Variants in VPS13D observed in about 807,000 individuals in gnomAD.
VPS13D encodes vacuolar protein sorting 13 homolog D, also known as intermembrane lipid transfer protein VPS13D.
VPS13D carries 187 observed loss-of-function variants against 461.9 expected under a neutral mutation model. The ratio of observed to expected loss-of-function variants is 0.40; its 90% CI spans 0.36 to 0.46. The LOEUF is 0.46. VPS13D is among the 20% of genes least tolerant of loss of function. VPS13D has a pLI of 0.60. For missense variants in VPS13D, 4,711 were observed against 5,364.9 expected, an observed-to-expected ratio of 0.88 and a Z score of 3.81; for synonymous variants, 1,951 against 1,986.3, an observed-to-expected ratio of 0.98 and a Z score of 0.47.
intron 67 of VPS13D, among the ~76,000 whole-genome samples, chr1:12,465,792 C>G (rs1448374788): frequency 1.3e-4 from 20 of 152,180 alleles, no homozygotes; most frequent in Non-Finnish European, 4.4e-5. Flanking sequence ...GACTAAGACT[C>G]TTTTGGGTCA....
At chr1:12,312,511 A>G (rs1376629711) in intron 29 of VPS13D, among the ~76,000 whole-genome samples, 2 of 152,162 alleles carry the variant, frequency 1.3e-5, no homozygotes, top group African/African-American at 2.4e-5. Flanking sequence ...TAGTCCCAGC[A>G]CTTTAGGAAG....
intron 65 of VPS13D, among the ~76,000 whole-genome samples, chr1:12,438,551 A>T (rs1645090403): frequency 6.6e-6 from 1 of 152,184 alleles, no homozygotes; most frequent in Admixed American, 6.5e-5. Context: ...AGTTTTTACC[A>T]TGTGGTTTAC....
chr1:12,410,505 A>G (rs993239446), intron 63 of VPS13D, among the ~76,000 whole-genome samples: 2 of 152,228 alleles, frequency 1.3e-5, no homozygotes, highest in Admixed American at 6.5e-5. Flanking sequence ...ATTCAGTCAC[A>G]AATTACCAGG....
intron 66 of VPS13D, among the ~76,000 whole-genome samples, chr1:12,457,587 G>C (rs181393425): frequency 6.6e-6 from 1 of 152,322 alleles, no homozygotes; most frequent in East Asian, 1.9e-4. Context: ...ACCATCCAAA[G>C]CTATCAGAGT....
At chr1:12,444,420 G>A (rs1041559276) in intron 65 of VPS13D, among the ~76,000 whole-genome samples, 18 of 152,142 alleles carry the variant, frequency 1.2e-4, no homozygotes, top group Non-Finnish European at 1.8e-4. Context: ...GTCTTTGGAC[G>A]ATTTTGGGAA....
At chr1:12,355,039 C>T (rs546974424) in intron 47 of VPS13D, among the ~76,000 whole-genome samples, 24 of 152,164 alleles carry the variant, frequency 1.6e-4, no homozygotes, top group Non-Finnish European at 2.8e-4. Context: ...AAGGAAGTGA[C>T]GTACAGAAAT....
At chr1:12,424,606 AG>A (rs1644901603) in intron 65 of VPS13D, among the ~76,000 whole-genome samples, 1 of 152,192 alleles carries the variant, frequency 6.6e-6, no homozygotes, top group Non-Finnish European at 1.5e-5. Context: ...CCAGGTGAGC[AG>A]GGTTTAGCTT....
intron 5 of VPS13D, among the ~76,000 whole-genome samples, chr1:12,245,487 TGTTTTTTA>T (rs1460445868): frequency 3.3e-5 from 5 of 152,246 alleles, no homozygotes; most frequent in African/African-American, 1.2e-4. Context: ...TACAATTTAA[TGTTTTTTA>T]GTATATTTAC....
Position 12,293,626 on chromosome 1 carries a change from G to A in VPS13D, c.5955G>A (p.Glu1985=). 1 of 1,614,224 alleles carries A rather than the reference G, an allele frequency of 6.2e-7. No individual in the cohort carries two copies. The highest frequency in any genetic ancestry group is 8.5e-7 in the Non-Finnish European group (1 of 1,180,040). Residue 1985 remains glutamate, a synonymous_variant, in exon 24 of 70, where the codon GAG becomes GAA. Coordinates refer to ENST00000620676, the MANE Select transcript of VPS13D (RefSeq NM_015378.4). ...TGCATACTCAGCGTTTCCAGGCAGA[G>A]GTGGTGGCCTTCATTCAGCATTTCA... ...QYVHTQRFQA[E]VVAFIQHFTQ... is the part of the protein sequence containing the mutation.
intron 52 of VPS13D, among the ~76,000 whole-genome samples, chr1:12,368,151 C>T (rs1001464572): frequency 2.0e-5 from 3 of 152,176 alleles, no homozygotes; most frequent in African/African-American, 7.2e-5. Flanking sequence ...TTTCCATTCC[C>T]TTCAGCGATT....
At position 12,283,553 on chromosome 1, in the gene VPS13D, G is replaced by C; in HGVS notation, c.5451G>C (p.Leu1817Phe). ...GCATTGATGTTGATTTTAATTGCTT[G>C]GATGTGCTGATCACACTGCAAACCT... ...NRSIDVDFNC[L>F]DVLITLQTWV... is the part of the protein sequence containing the mutation. The change falls in exon 21 of 70, where the codon TTG becomes TTC. Residue 1817 changes from leucine to phenylalanine, a missense_variant. Around this residue, in one of 3 missense-constraint regions of VPS13D, gnomAD observed 4,411 missense variants for 4,937.8 expected, o/e 0.89. Transcript: ENST00000620676. 3 of 1,614,180 alleles carry C rather than the reference G, an allele frequency of 1.9e-6. No homozygotes were observed. Among genetic ancestry groups the C allele is most frequent in the Non-Finnish European group, 2.5e-6 (3 of 1,180,026 alleles).
Position 12,385,317 on chromosome 1 carries a change from GT to G in VPS13D, c.11429del (p.Val3810AlafsTer9). The G allele has an allele frequency of 6.2e-7, 1 of 1,614,014 alleles. No homozygotes were observed. The highest frequency in any genetic ancestry group is 8.5e-7 in the Non-Finnish European group (1 of 1,179,916). On this transcript the variant is annotated frameshift_variant, in exon 59 of 70. Coordinates refer to ENST00000620676, the MANE Select transcript of VPS13D (RefSeq NM_015378.4). LOFTEE classifies it high-confidence loss of function. The stretch of plus-strand genomic sequence containing the variant: ...TTCATATGAAGTGGATGAACTTCCT[GT>G]CACCGAACAAGAGCTGCAGAAATTA... ...SRSYEVDELPVTEQELQKLKN... is the reference protein window; with the variant it reads ...SRSYEVDELPXTEQELQKLKN...
At chr1:12,371,801 G>GT (rs1348431322) in intron 54 of VPS13D, among the ~76,000 whole-genome samples, 2 of 152,036 alleles carry the variant, frequency 1.3e-5, no homozygotes, top group African/African-American at 4.8e-5. Flanking sequence ...TTGTTTCTGC[G>GT]TTTTGGCTAT....
In VPS13D at chr1:12,383,043, A is replaced by T. The variant is rs774276269; in HGVS notation, c.11258A>T (p.Glu3753Val). 3 of 1,614,074 alleles carry T rather than the reference A, an allele frequency of 1.9e-6. No homozygotes were observed. Among genetic ancestry groups the T allele is most frequent in the South Asian group, 2.2e-5 (2 of 91,076 alleles). The stretch of plus-strand genomic sequence containing the variant: ...GTTCTTGGTCCTGACACTTCCATGG[A>T]GCTTTTGGGGCCAGTTCCACCTGAA... The part of the protein sequence containing the change: ...EVVLGPDTSM[E>V]LLGPVPPEQQ... Residue 3753 changes from glutamate (E) to valine (V), a missense_variant, in exon 58 of 70, where the codon GAG (glutamate) becomes GTG (valine). Coordinates refer to ENST00000620676, the MANE Select transcript of VPS13D (RefSeq NM_015378.4).
At chr1:12,297,300 A>G (rs939374832) in intron 24 of VPS13D, among the ~76,000 whole-genome samples, 5 of 152,144 alleles carry the variant, frequency 3.3e-5, no homozygotes, top group Non-Finnish European at 7.4e-5. Context: ...GTTATACCAG[A>G]TGTGTTTGGC....
chr1:12,276,694 C>G lies in VPS13D; in HGVS notation c.3106C>G (p.Arg1036Gly). Residue 1036 changes from arginine to glycine, a missense_variant, in exon 19 of 70, where the codon CGG (arginine) becomes GGG (glycine). Arg to Gly is a moderately radical substitution (Grantham distance 125). Transcript: ENST00000620676. The surrounding 1 kb of genome is among the most constrained non-coding windows in gnomAD (Gnocchi z 4.5). ...CTTTGATATTCCAACGGGAAGCCTT[C>G]GGGATAGCAGGGCCCAGTCTCCTGT... ...LSFDIPTGSL[R>G]DSRAQSPVSG... 1 of 1,614,132 alleles carries G rather than the reference C, an allele frequency of 6.2e-7. No homozygotes were observed. The highest frequency in any genetic ancestry group is 8.5e-7 in the Non-Finnish European group (1 of 1,180,046).
chr1:12,277,382 C>T lies in VPS13D; in HGVS notation c.3794C>T (p.Ala1265Val). Residue 1265 changes from alanine (A) to valine (V), a missense_variant, in exon 19 of 70, where the codon GCC becomes GTC. Ala to Val is a moderately conservative substitution (Grantham distance 64). This residue lies in a region of VPS13D where 4,411 missense variants were observed against 4,937.8 expected (regional missense o/e 0.89). Transcript: ENST00000620676. Reference sequence around the variant, plus strand: ...GTGTTTGTCAGAATGGAAGATGCAGCCCTCACTGAAGCTTTGAGTTTCACG... The same window carrying T: ...GTGTTTGTCAGAATGGAAGATGCAGTCCTCACTGAAGCTTTGAGTTTCACG... Reference protein sequence around the residue: ...ESVFVRMEDAALTEALSFTFV... With the variant: ...ESVFVRMEDAVLTEALSFTFV... The T allele has an allele frequency of 6.2e-7, 1 of 1,614,158 alleles. No homozygotes were observed. Among genetic ancestry groups the T allele is most frequent in the Non-Finnish European group, 8.5e-7 (1 of 1,180,026 alleles).
chr1:12,335,576 C>T (rs769707925), intron 38 of VPS13D, 129 bp from the exon 39 acceptor site: 144 of 1,207,082 alleles, frequency 1.2e-4, no homozygotes, highest in African/African-American at 2.1e-4. Flanking sequence ...TAGACTTTCT[C>T]GGAATCTAGC....
At chr1:12,381,984 C>T (rs529570485) in intron 57 of VPS13D, among the ~76,000 whole-genome samples, 671 of 62,972 alleles carry the variant, frequency 0.011, no homozygotes, top group African/African-American at 0.02. Flanking sequence ...CTTTCTTTCT[C>T]TCTCTCTCTC....
Sources: gnomAD v4.1 joint callset for allele counts (sites outside exome capture counted in the v4.1 genomes callset) on GRCh38, gnomAD v4.1.1 for gene constraint, gnomAD v4.1.1 regional missense constraint, Gnocchi (gnomAD v3.1) non-coding constraint, MANE v1.5 for transcripts, NCBI Gene and HGNC (gene_info 2026-07-23, HGNC 2026-07-21) for gene names.